Variants in SFSWAP observed in about 807,000 individuals in gnomAD.
The protein encoded by SFSWAP is splicing factor, suppressor of white-apricot homolog.
A neutral mutation model predicts 100.7 loss-of-function variants in SFSWAP; 17 were observed. The observed-to-expected ratio is 0.17, with a 90% CI of 0.12 to 0.25. The LOEUF (loss-of-function observed/expected upper bound fraction) is 0.25. Ranked by LOEUF, SFSWAP falls within the 10% of genes least tolerant of loss-of-function variation. The pLI is 1.00. For synonymous variants in SFSWAP, 504 were observed against 510.1 expected (o/e 0.99, Z 0.16); for missense variants, 1,005 against 1,262.6 (o/e 0.80, Z 3.09).
At chr12:131,732,610 C>T (rs1427181760) in intron 7 of SFSWAP, among the ~76,000 whole-genome samples, 1 of 152,230 alleles carries the variant, frequency 6.6e-6, no homozygotes, top group African/African-American at 2.4e-5. Context: ...GCTTGCTCCT[C>T]GTCTCCGCCT....
At chr12:131,747,289 C>T (rs1000988093) in intron 7 of SFSWAP, among the ~76,000 whole-genome samples, 11 of 152,052 alleles carry the variant, frequency 7.2e-5, no homozygotes, top group East Asian at 5.8e-4. Context: ...TGACTAAGAG[C>T]GATGGAGAAA....
intron 1 of SFSWAP, chr12:131,713,218 T>G (rs1877549996): frequency 6.6e-6 from 1 of 152,222 alleles, no homozygotes; most frequent in African/African-American, 2.4e-5. Flanking sequence ...CATTCATTTA[T>G]TATCTGACAG....
intron 3 of SFSWAP, among the ~76,000 whole-genome samples, chr12:131,716,676 C>T (rs1877945868): frequency 6.6e-6 from 1 of 152,180 alleles, no homozygotes; most frequent in South Asian, 2.1e-4. Flanking sequence ...CATTTGTTTA[C>T]ATATTGTCTG....
chr12:131,767,745 C>T (rs533722748), intron 13 of SFSWAP, among the ~76,000 whole-genome samples: 17 of 152,260 alleles, frequency 1.1e-4, no homozygotes, highest in African/African-American at 4.1e-4. Context: ...GAAAATCAGA[C>T]ACCACATGTT....
At position 131,711,338 on chromosome 12, in the gene SFSWAP, G is replaced by C; in HGVS notation, c.109G>C (p.Val37Leu). ...TGGGGGCAGCCGAGTGGAGCTCTTG[G>C]TTTTCGGCTATGCCTGCAAGCTGTT... ...GGGGSRVELLVFGYACKLFRD... is the reference protein window; with the variant it reads ...GGGGSRVELLLFGYACKLFRD... The change falls in exon 1 of 18, where the codon GTT becomes CTT. Residue 37 changes from valine to leucine, a missense_variant. This residue lies in a region of SFSWAP where 237 missense variants were observed against 337.0 expected (regional missense o/e 0.70). Transcript: ENST00000261674. This position sits in a 1 kb window ranked among gnomAD's most constrained non-coding sequence, Gnocchi z 4.9. 6.2e-7 allele frequency: 1 copy of C among 1,614,038 alleles called. No homozygotes were observed. Among genetic ancestry groups the C allele is most frequent in the Non-Finnish European group, 8.5e-7 (1 of 1,180,022 alleles).
intron 13 of SFSWAP, among the ~76,000 whole-genome samples, chr12:131,773,620 A>AGT (rs1883788632): frequency 6.6e-6 from 1 of 152,218 alleles, no homozygotes; most frequent in Non-Finnish European, 1.5e-5. Context: ...CTAGGATGAC[A>AGT]GGCATGAGCC....
At chr12:131,769,080 C>T (rs1293974075) in intron 13 of SFSWAP, among the ~76,000 whole-genome samples, 1 of 151,526 alleles carries the variant, frequency 6.6e-6, no homozygotes, top group African/African-American at 2.4e-5. Context: ...TGAGCCAAGA[C>T]TGCACCACTG....
chr12:131,797,863 G>A (rs770089207), intron 16 of SFSWAP, among the ~76,000 whole-genome samples: 18 of 152,236 alleles, frequency 1.2e-4, no homozygotes, highest in Non-Finnish European at 2.2e-4. Context: ...ACCCTCCGCT[G>A]CCCAGGCACC....
In SFSWAP at chr12:131,725,754, T is replaced by G; in HGVS notation, c.832+124T>G. 1.4e-6 allele frequency: 1 copy of G among 713,416 alleles called. No individual in the cohort carries two copies. The highest frequency in any genetic ancestry group is 2.4e-6 in the Non-Finnish European group (1 of 414,278). The allele number at this position is 713,416 out of a possible 1,614,324, so 44.2% of individuals were successfully genotyped here. A position where few individuals can be genotyped will look rare whatever the true frequency, so the allele number is the denominator to read the frequency against. On this transcript the variant is annotated intron_variant, in intron 5 of 17. Transcript: ENST00000261674. The surrounding 1 kb of genome is among the most constrained non-coding windows in gnomAD (Gnocchi z 4.3). Reference sequence around the variant, plus strand: ...ACAGATGCATGGTTGAAAGCCAGACTCGAATTTCTAGAATGTGTCTGAAAT... The same window carrying G: ...ACAGATGCATGGTTGAAAGCCAGACGCGAATTTCTAGAATGTGTCTGAAAT...
intron 7 of SFSWAP, among the ~76,000 whole-genome samples, chr12:131,739,536 CTTTTTTTTTTTTTTTT>C (rs777610140): frequency 8.2e-5 from 5 of 60,842 alleles, no homozygotes; most frequent in Non-Finnish European, 1.6e-4. Context: ...TCCCCAGTTG[CTTTTTTTTTTTTTTTT>C]TTTTTTTTTT....
Position 131,778,477 on chromosome 12 carries a change from G to A in SFSWAP, c.2408+147G>A, listed in dbSNP as rs934629686. The A allele has an allele frequency of 6.4e-6, 8 of 1,255,542 alleles. No homozygotes were observed. The highest frequency in any genetic ancestry group is 8.7e-6 in the Non-Finnish European group (8 of 922,688). The allele number at this position is 1,255,542 out of a possible 1,614,324, so 77.8% of individuals were successfully genotyped here. ...ATGCATGTGCATGTGTGCCCTGCAAGTCCAAGTAAGATCTTTTTCAGATTT... is the reference window on the plus strand; with the variant it reads ...ATGCATGTGCATGTGTGCCCTGCAAATCCAAGTAAGATCTTTTTCAGATTT... On this transcript the variant is annotated intron_variant, in intron 14 of 17. Transcript: ENST00000261674. This position sits in a 1 kb window ranked among gnomAD's most constrained non-coding sequence, Gnocchi z 4.2.
chr12:131,751,452 G>T (rs888283802), intron 7 of SFSWAP, among the ~76,000 whole-genome samples: 26 of 152,308 alleles, frequency 1.7e-4, no homozygotes, highest in Non-Finnish European at 2.5e-4. Flanking sequence ...GTCGGTAGTG[G>T]GGTCAGTTCC....
chr12:131,748,258 C>G lies in SFSWAP; in HGVS notation c.1082-4865C>G, dbSNP rs182797434. ...TGAGACAGTCTGGCTCTGATCTCAGCTCGCTGCAGCCTCCACCTCCCGGGT... is the reference window on the plus strand; with the variant it reads ...TGAGACAGTCTGGCTCTGATCTCAGGTCGCTGCAGCCTCCACCTCCCGGGT... On this transcript the variant is annotated intron_variant, in intron 7 of 17. Transcript: ENST00000261674. Among the ~76,000 whole-genome samples, 319 of 147,218 alleles carry G rather than the reference C, an allele frequency of 2.2e-3. 3 individuals are homozygous for G. Among genetic ancestry groups the G allele is most frequent in the African/African-American group, 7.5e-3 (298 of 39,966 alleles).
intron 7 of SFSWAP, among the ~76,000 whole-genome samples, chr12:131,747,496 A>G (rs979670202): frequency 6.6e-6 from 1 of 152,234 alleles, no homozygotes; most frequent in Non-Finnish European, 1.5e-5. Context: ...AGGGCTTCCC[A>G]GACAAGGGAC....
At chr12:131,793,820 G>A (rs1447667732) in intron 15 of SFSWAP, among the ~76,000 whole-genome samples, 4 of 152,248 alleles carry the variant, frequency 2.6e-5, no homozygotes, top group East Asian at 1.9e-4. Flanking sequence ...GATGTGGAAC[G>A]GCATGAGTCA....
intron 7 of SFSWAP, among the ~76,000 whole-genome samples, chr12:131,743,585 T>C (rs1449104430): frequency 6.6e-6 from 1 of 152,230 alleles, no homozygotes; most frequent in African/African-American, 2.4e-5. Flanking sequence ...GGGTACAACC[T>C]CCCTCCCGGC....
chr12:131,742,242 T>G (rs1224780813), intron 7 of SFSWAP, among the ~76,000 whole-genome samples: 5 of 152,188 alleles, frequency 3.3e-5, no homozygotes, highest in African/African-American at 1.2e-4. Flanking sequence ...TCCACCTGCT[T>G]CTTTCCATGG....
chr12:131,794,086 G>A lies in SFSWAP; in HGVS notation c.2535-3092G>A, dbSNP rs1041120758. ...AAAAACACTTTGATTCATAATTACC[G>A]AAAACTGGAAACAACCAAATCTCTA... On this transcript the variant is annotated intron_variant, in intron 15 of 17. Coordinates refer to ENST00000261674, the MANE Select transcript of SFSWAP (RefSeq NM_004592.4). The surrounding 1 kb of genome is among the most constrained non-coding windows in gnomAD (Gnocchi z 4.8). Among the ~76,000 whole-genome samples the A allele has an allele frequency of 6.6e-6, 1 of 152,186 alleles. No individual in the cohort carries two copies. Among genetic ancestry groups the A allele is most frequent in the Non-Finnish European group, 1.5e-5 (1 of 68,046 alleles).
At chr12:131,781,533 G>A (rs999642390) in intron 14 of SFSWAP, among the ~76,000 whole-genome samples, 11 of 152,046 alleles carry the variant, frequency 7.2e-5, no homozygotes, top group African/African-American at 1.9e-4. Flanking sequence ...CACCGCGCCC[G>A]GCCTATATTA....
Sources: allele counts gnomAD v4.1 joint callset (sites outside exome capture counted in the v4.1 genomes callset), GRCh38; gene constraint gnomAD v4.1.1; regional missense constraint gnomAD v4.1.1; non-coding constraint Gnocchi (gnomAD v3.1); transcripts MANE v1.5; gene names NCBI Gene and HGNC (gene_info 2026-07-23, HGNC 2026-07-21).